Variants in ZNF594 observed in about 807,000 individuals in gnomAD.
The protein encoded by ZNF594 is zinc finger protein 594.
For missense variants in ZNF594, 1,037 were observed against 964.6 expected (o/e 1.08, Z -0.99); for synonymous variants, 336 against 309.4 (o/e 1.09, Z -0.90).
chr17:5,184,336 T>C, intron 1 of ZNF594, 60 bp from the exon 2 acceptor site: 4 of 1,477,322 alleles, frequency 2.7e-6, no homozygotes, highest in East Asian at 2.3e-5. Flanking sequence ...CTCTTCATTA[T>C]ACTGGGCAGT....
intron 1 of ZNF594, among the ~76,000 whole-genome samples, chr17:5,187,205 C>A (rs2585287): frequency 0.48 from 72,774 of 152,072 alleles, 20,211 homozygotes; most frequent in Non-Finnish European, 0.64. Flanking sequence ...AGAATTATGG[C>A]AGGAGGCAAA....
downstream of ZNF594, among the ~76,000 whole-genome samples, chr17:5,177,997 A>T (rs2074316931): frequency 6.6e-6 from 1 of 152,180 alleles, no homozygotes; most frequent in Non-Finnish European, 1.5e-5. Context: ...GAAATATTCC[A>T]AATATTTAAG....
In ZNF594 at chr17:5,179,839, G is replaced by A. The variant is rs1340798944; in HGVS notation, c.*1994C>T. 1 of 152,040 alleles carries A rather than the reference G, an allele frequency of 6.6e-6. No individual in the cohort carries two copies. The highest frequency in any genetic ancestry group is 6.6e-5 in the Admixed American group (1 of 15,264). The allele number at this position is 152,040 out of a possible 1,614,324, so 9.4% of individuals were successfully genotyped here. Reference sequence around the variant, plus strand: ...GCCAGTCAGAAGCATGATTTGTGTTGTACATGCCTTTATGTAGCAAAATAT... The same window carrying A: ...GCCAGTCAGAAGCATGATTTGTGTTATACATGCCTTTATGTAGCAAAATAT... On this transcript the variant is annotated 3_prime_UTR_variant, in exon 2 of 2. Coordinates refer to ENST00000575779, the MANE Select transcript of ZNF594 (RefSeq NM_032530.2).
chr17:5,188,018 C>T (rs141318121), intron 1 of ZNF594, among the ~76,000 whole-genome samples: 1 of 151,584 alleles, frequency 6.6e-6, no homozygotes, highest in Non-Finnish European at 1.5e-5. Flanking sequence ...CTGCACCTGG[C>T]CTTGGATTTC....
At position 5,181,964 on chromosome 17, in the gene ZNF594, G is replaced by A; in HGVS notation, c.2293C>T (p.Gln765Ter). ...CTGCCCTGGAAGGTCCTACTACACT[G>A]ATTACACCAATAAACTTTCTTTTCC... Reference protein sequence around the residue: ...HQEKKVYWCNQCSRTFQGSSD... With the variant: ...HQEKKVYWCN Residue 765 changes from glutamine to a stop codon, truncating the protein, a stop_gained, in exon 2 of 2, where the codon CAG (glutamine) becomes TAG (stop). Coordinates refer to ENST00000575779, the MANE Select transcript of ZNF594 (RefSeq NM_032530.2). LOFTEE classifies it low-confidence loss of function (END_TRUNC). 6.2e-7 allele frequency: 1 copy of A among 1,613,596 alleles called. No homozygotes were observed. The highest frequency in any genetic ancestry group is 8.5e-7 in the Non-Finnish European group (1 of 1,179,980).
downstream of ZNF594, chr17:5,174,651 A>G (rs1230073870): frequency 2.0e-5 from 4 of 198,066 alleles, no homozygotes; most frequent in Non-Finnish European, 4.2e-5. Context: ...AAGATTTTAA[A>G]TAATTTCTTT....
rs2074325491 is a variant in ZNF594 at position 5,179,711 on chromosome 17, C to T, written c.*2122G>A. ...ATAGTTAATATTTCAAAAAGCCTAA[C>T]ATAGACGATATGTTTGCCCACAAAA... On this transcript the variant is annotated 3_prime_UTR_variant, in exon 2 of 2. Coordinates refer to ENST00000575779, the MANE Select transcript of ZNF594 (RefSeq NM_032530.2). 6.6e-6 allele frequency: 1 copy of T among 152,000 alleles called. No homozygotes were observed. Among genetic ancestry groups the T allele is most frequent in the African/African-American group, 2.4e-5 (1 of 41,390 alleles). 9.4% of individuals were successfully genotyped at this position (152,000 alleles called of 1,614,324 possible). A position where few individuals can be genotyped will look rare whatever the true frequency, so the allele number is the denominator to read the frequency against.
At chr17:5,189,465 C>G (rs1449651110) in intron 1 of ZNF594, among the ~76,000 whole-genome samples, 1 of 151,960 alleles carries the variant, frequency 6.6e-6, no homozygotes, top group Non-Finnish European at 1.5e-5. Context: ...TCTGGAACTC[C>G]TGGCCTCAAG....
chr17:5,177,707 G>A (rs184670542), downstream of ZNF594, among the ~76,000 whole-genome samples: 10 of 152,068 alleles, frequency 6.6e-5, no homozygotes, highest in African/African-American at 1.7e-4. Context: ...GTGGTGGCAC[G>A]CACCTGTAAC....
chr17:5,184,415 G>C, intron 1 of ZNF594, 139 bp from the exon 2 acceptor site: 2 of 873,646 alleles, frequency 2.3e-6, no homozygotes, highest in Non-Finnish European at 3.4e-6. Flanking sequence ...TTTCACTAGC[G>C]ACACTGTGGC....
chr17:5,175,964 G>A (rs912274710), downstream of ZNF594, among the ~76,000 whole-genome samples: 12 of 152,158 alleles, frequency 7.9e-5, no homozygotes, highest in South Asian at 2.1e-4. Flanking sequence ...TCAATCCAAC[G>A]ATATTCAATC....
At chr17:5,184,475 C>T (rs988805072) in intron 1 of ZNF594, 199 bp from the exon 2 acceptor site, 4 of 573,310 alleles carry the variant, frequency 7.0e-6, no homozygotes, top group Non-Finnish European at 1.2e-5. Flanking sequence ...AAAAACCCGC[C>T]AGGGTGCAGG....
At chr17:5,176,128 G>A (rs1205545831), downstream of ZNF594, among the ~76,000 whole-genome samples, 4 of 152,326 alleles carry the variant, frequency 2.6e-5, no homozygotes, top group Admixed American at 1.3e-4. Context: ...AGGCCCAGTG[G>A]CTTACACCTG....
rs747875338 is a variant in ZNF594 at position 5,186,894 on chromosome 17, G to T, written c.-20-2618C>A. Among the ~76,000 whole-genome samples the T allele has an allele frequency of 9.9e-5, 15 of 152,206 alleles. 1 individual carries two copies. The highest frequency in any genetic ancestry group is 2.1e-4 in the Non-Finnish European group (14 of 68,028). On this transcript the variant is annotated intron_variant, in intron 1 of 1. Coordinates refer to ENST00000575779, the MANE Select transcript of ZNF594 (RefSeq NM_032530.2). ...CTCATCTCCATCTGAGACCACCTCA[G>T]CCTGGACCTTATTGTCCATAATGCT...
At position 5,180,856 on chromosome 17, in the gene ZNF594, TAATAAAA is replaced by T. The variant is rs1259367113; in HGVS notation, c.*970_*976del. On this transcript the variant is annotated 3_prime_UTR_variant, in exon 2 of 2. Coordinates refer to ENST00000575779, the MANE Select transcript of ZNF594 (RefSeq NM_032530.2). ...TTCCCACCTTCCCATGGTTTTTTTC[TAATAAAA>T]CTCATTTGTAGTGCAATAAGATGTG... The T allele has an allele frequency of 2.3e-6, 1 of 439,670 alleles. No individual in the cohort carries two copies. Among genetic ancestry groups the T allele is most frequent in the Non-Finnish European group, 4.2e-6 (1 of 237,222 alleles). The allele number at this position is 439,670 out of a possible 1,614,324, so 27.2% of individuals were successfully genotyped here.
Position 5,184,232 on chromosome 17 carries a change from C to T in ZNF594, c.25G>A (p.Glu9Lys). The T allele has an allele frequency of 5.0e-6, 8 of 1,612,884 alleles. No homozygotes were observed. Among genetic ancestry groups the T allele is most frequent in the Non-Finnish European group, 5.9e-6 (7 of 1,179,692 alleles). The change falls in exon 2 of 2, where the codon GAA becomes AAA. Residue 9 changes from glutamate (E) to lysine (K), a missense_variant. By Grantham distance (56) the Glu-to-Lys change is moderately conservative. Transcript: ENST00000575779. The stretch of plus-strand genomic sequence containing the variant: ...GCTGACTTCTTTTCTTCAGAAATTT[C>T]CATCTTTGATTTCCATTCCTTCATC... Reference protein sequence around the residue: MKEWKSKMEISEEKKSARA... With the variant: MKEWKSKMKISEEKKSARA...
At chr17:5,179,090 G>A (rs1450577719), downstream of ZNF594, among the ~76,000 whole-genome samples, 1 of 151,546 alleles carries the variant, frequency 6.6e-6, no homozygotes. Context: ...GGAGGTGACA[G>A]CGCCAGCAGC....
At chr17:5,175,572 A>G (rs1221492220), downstream of ZNF594, among the ~76,000 whole-genome samples, 1 of 152,138 alleles carries the variant, frequency 6.6e-6, no homozygotes, top group African/African-American at 2.4e-5. Flanking sequence ...CATCCCTTTT[A>G]GAAAGTTATG....
downstream of ZNF594, among the ~76,000 whole-genome samples, chr17:5,179,224 T>C (rs565674335): frequency 2.0e-5 from 3 of 146,566 alleles, no homozygotes; most frequent in African/African-American, 7.4e-5. Flanking sequence ...CCTCTCTCTC[T>C]CTGTGCCTTG....
Sources: allele counts gnomAD v4.1 joint callset (sites outside exome capture counted in the v4.1 genomes callset), GRCh38; gene constraint gnomAD v4.1.1; transcripts MANE v1.5; gene names NCBI Gene and HGNC (gene_info 2026-07-23, HGNC 2026-07-21).